NOX4: variants seen among roughly 807,000 people sequenced by gnomAD.
NOX4 encodes kidney oxidase-1.
A neutral mutation model predicts 87.6 loss-of-function variants in NOX4; 69 were observed. The ratio of observed to expected loss-of-function variants is 0.79; its 90% CI spans 0.65 to 0.96. NOX4 has a LOEUF of 0.96. NOX4 is among the 40% of genes least tolerant of loss of function. The probability of loss-of-function intolerance (pLI) is 0.00; values close to 1 mark genes in which losing one functional copy is unlikely to be tolerated. For missense variants in NOX4, 680 were observed against 681.5 expected (o/e 1.00, Z 0.02); for synonymous variants, 275 against 238.2 (o/e 1.15, Z -1.42).
the NOX4 span, among the ~76,000 whole-genome samples, chr11:89,572,950 A>G: frequency 6.6e-6 from 1 of 151,938 alleles, no homozygotes; most frequent in Non-Finnish European, 1.5e-5. Flanking sequence ...CTTCTTTCAT[A>G]TTAAAATTCT....
chr11:89,406,370 T>C (rs942826291), intron 8 of NOX4, among the ~76,000 whole-genome samples: 5 of 152,132 alleles, frequency 3.3e-5, no homozygotes, highest in Non-Finnish European at 7.4e-5. Context: ...TTATTTATTT[T>C]AGATGCATGC....
intron 12 of NOX4, among the ~76,000 whole-genome samples, chr11:89,371,747 C>T (rs1433914468): frequency 6.6e-6 from 1 of 151,608 alleles, no homozygotes; most frequent in Non-Finnish European, 1.5e-5. Flanking sequence ...TATGTTCATA[C>T]TCCACCAGTG....
chr11:89,451,997 C>A, intron 2 of NOX4, 102 bp from the exon 3 acceptor site: 1 of 724,224 alleles, frequency 1.4e-6, no homozygotes, highest in Non-Finnish European at 2.4e-6. Context: ...TTTTAAGAAT[C>A]ATGCCAAATA....
chr11:89,538,749 G>T, the NOX4 span, among the ~76,000 whole-genome samples: 2 of 151,294 alleles, frequency 1.3e-5, no homozygotes, highest in East Asian at 3.9e-4. Context: ...CAATTTCCTA[G>T]ATCATAAGTT....
At chr11:89,443,085 AGC>A (rs1231616413) in intron 5 of NOX4, among the ~76,000 whole-genome samples, 2 of 152,128 alleles carry the variant, frequency 1.3e-5, no homozygotes, top group African/African-American at 4.8e-5. Context: ...GCACTCTACA[AGC>A]CTGGTAAATT....
rs112834805 is a variant in NOX4 at position 89,458,749 on chromosome 11, A to G, written c.154-6854T>C. Among the ~76,000 whole-genome samples the G allele has an allele frequency of 1.7e-3, 258 of 152,308 alleles. 3 individuals are homozygous for G. Among genetic ancestry groups the G allele is most frequent in the Admixed American group, 8.8e-3 (135 of 15,298 alleles). On this transcript the variant is annotated intron_variant, in intron 2 of 17. Transcript: ENST00000263317. Reference sequence around the variant, plus strand: ...TAGAGAAATGCAAATCAAAACCACAATGAAATACCATCTCACACCAGTCAG... The same window carrying G: ...TAGAGAAATGCAAATCAAAACCACAGTGAAATACCATCTCACACCAGTCAG...
At chr11:89,409,335 A>T (rs2135218550) in intron 8 of NOX4, among the ~76,000 whole-genome samples, 1 of 152,292 alleles carries the variant, frequency 6.6e-6, no homozygotes, top group African/African-American at 2.4e-5. Flanking sequence ...CTGAGATAAA[A>T]ATTATGTGAA....
Position 89,337,495 on chromosome 11 carries a change from A to T in NOX4, c.1467T>A (p.Pro489=), listed in dbSNP as rs550103404. The T allele has an allele frequency of 5.6e-5, 90 of 1,612,262 alleles. No individual in the cohort carries two copies. The highest frequency in any genetic ancestry group is 7.5e-5 in the Non-Finnish European group (88 of 1,178,764). ...LHNKFWQENR[P]DYVNIQLYLS... ...GGTACAGCTGGATGTTGACATAGTC[A>T]GGTCTGTTCTCTTGCCAAAACTGAG... The change falls in exon 16 of 18, where the codon CCT becomes CCA. Residue 489 remains proline (P), a synonymous_variant. Coordinates refer to ENST00000263317, the MANE Select transcript of NOX4 (RefSeq NM_016931.5).
At chr11:89,336,533 G>C (rs1222054599) in intron 16 of NOX4, among the ~76,000 whole-genome samples, 1 of 151,880 alleles carries the variant, frequency 6.6e-6, no homozygotes, top group African/African-American at 2.4e-5. Context: ...TCAACAAATG[G>C]CTGTGAACAG....
chr11:89,330,908 C>T (rs1301013803), intron 17 of NOX4, among the ~76,000 whole-genome samples: 1 of 151,880 alleles, frequency 6.6e-6, no homozygotes, highest in Non-Finnish European at 1.5e-5. Context: ...TTAATTATTT[C>T]AATACTCTGA....
At chr11:89,572,574 G>T in the NOX4 span, among the ~76,000 whole-genome samples, 1 of 151,992 alleles carries the variant, frequency 6.6e-6, no homozygotes, top group Non-Finnish European at 1.5e-5. Context: ...TTTTGAGACG[G>T]AGTCTCACTC....
chr11:89,484,699 T>C (rs41338754), intron 2 of NOX4, among the ~76,000 whole-genome samples: 19,297 of 152,098 alleles, frequency 0.13, 1,355 homozygotes, highest in South Asian at 0.21. Context: ...TAAAACTCTA[T>C]GAATCAGTGT....
intron 1 of NOX4, among the ~76,000 whole-genome samples, chr11:89,497,750 A>G (rs1946974231): frequency 1.3e-5 from 2 of 152,322 alleles, no homozygotes; most frequent in South Asian, 2.1e-4. Context: ...TTGTTTTCCC[A>G]GAGCCACACA....
the NOX4 span, among the ~76,000 whole-genome samples, chr11:89,538,264 T>C: frequency 2.0e-5 from 3 of 152,218 alleles, no homozygotes; most frequent in African/African-American, 7.2e-5. Context: ...ATATTTTGTA[T>C]AGAATTTAAA....
At chr11:89,362,294 T>C (rs1408162372) in intron 12 of NOX4, among the ~76,000 whole-genome samples, 1 of 152,076 alleles carries the variant, frequency 6.6e-6, no homozygotes, top group Non-Finnish European at 1.5e-5. Context: ...TGGGGTGTGA[T>C]GCATGTGCAT....
intron 2 of NOX4, among the ~76,000 whole-genome samples, chr11:89,480,100 G>A (rs7949020): frequency 0.51 from 77,943 of 151,962 alleles, 22,890 homozygotes; most frequent in Non-Finnish European, 0.68. Flanking sequence ...CTGGACCTGC[G>A]CAGTTCAAAT....
At chr11:89,518,896 T>G in the NOX4 span, among the ~76,000 whole-genome samples, 1 of 147,130 alleles carries the variant, frequency 6.8e-6, no homozygotes, top group East Asian at 2.0e-4. Context: ...CTATCTGTGA[T>G]TATGATAAAA....
rs1443346670 is a variant in NOX4, at chr11:89,400,275, A to G, written c.951T>C (p.His317=). 3 of 1,612,886 alleles carry G rather than the reference A, an allele frequency of 1.9e-6. No individual in the cohort carries two copies. Among genetic ancestry groups the G allele is most frequent in the Admixed American group, 1.7e-5 (1 of 59,864 alleles). Residue 317 remains histidine, a synonymous_variant, in exon 10 of 18, where the codon CAT becomes CAC. Coordinates refer to ENST00000263317, the MANE Select transcript of NOX4 (RefSeq NM_016931.5). ...KPVTIISVMS[H]PSDVMEIRMV... The stretch of plus-strand genomic sequence containing the variant: ...TTCGGATTTCCATGACATCTGAGGG[A>G]TGACTCATGACCGAAATGATGGTGA...
In NOX4 at chr11:89,451,786, T is replaced by G; in HGVS notation, c.263A>C (p.Lys88Thr). ...TLLAYLRGSQ[K>T]VPSRRTRRLL... ...GAAAGTAGGACTGTTTTTTCTTACC[T>G]TCTGTGATCCTCGGAGGTAAGCCAA... Residue 88 changes from lysine to threonine, a missense_variant and splice_region_variant, in exon 3 of 18, where the codon AAG becomes ACG. By Grantham distance (78) the Lys-to-Thr change is moderately conservative (BLOSUM62 -1). Transcript: ENST00000263317. The G allele has an allele frequency of 1.9e-6, 3 of 1,604,164 alleles. No individual in the cohort carries two copies. Among genetic ancestry groups the G allele is most frequent in the Non-Finnish European group, 2.6e-6 (3 of 1,171,252 alleles).
Sources: allele counts gnomAD v4.1 joint callset (sites outside exome capture counted in the v4.1 genomes callset), GRCh38; gene constraint gnomAD v4.1.1; transcripts MANE v1.5; gene names NCBI Gene and HGNC (gene_info 2026-07-23, HGNC 2026-07-21).